The following EYA1 variants were observed in gnomAD, a reference collection of about 807,000 sequenced individuals.
EYA1 encodes the protein protein phosphatase EYA1.
Under a neutral mutation model 82.0 loss-of-function variants are expected in EYA1, and 16 were observed. That is an observed-to-expected ratio of 0.20 (90% CI 0.13 to 0.30). EYA1 has a LOEUF of 0.30. Ranked by LOEUF, EYA1 falls within the 10% of genes least tolerant of loss-of-function variation. The probability of loss-of-function intolerance (pLI) is 1.00; values close to 1 mark genes in which losing one functional copy is unlikely to be tolerated. For synonymous variants in EYA1, 261 were observed against 264.4 expected (o/e 0.99, Z 0.12); for missense variants, 633 against 730.7 (o/e 0.87, Z 1.54).
chr8:71,269,794 T>A lies in EYA1; in HGVS notation c.996A>T (p.Thr332=). ...ERVFIWDLDE[T]IIVFHSLLTG... ...TAAGCAAGGAGTGGAAAACAATGAT[T>A]GTCTCATCCAAGTCCCAGATGAACA... The change falls in exon 11 of 18, where the codon ACA becomes ACT. Residue 332 remains threonine, a synonymous_variant. Coordinates refer to ENST00000340726, the MANE Select transcript of EYA1 (RefSeq NM_000503.6). The A allele has an allele frequency of 1.2e-6, 2 of 1,613,804 alleles. No homozygotes were observed.
At chr8:71,212,043 C>T (rs917555261) in intron 16 of EYA1, among the ~76,000 whole-genome samples, 33 of 152,142 alleles carry the variant, frequency 2.2e-4, no homozygotes, top group Admixed American at 2.2e-3. Flanking sequence ...CACATTCCCA[C>T]AGTTAATGCA....
At chr8:71,528,445 C>A (rs896708981) in intron 2 of EYA1, among the ~76,000 whole-genome samples, 34 of 152,188 alleles carry the variant, frequency 2.2e-4, no homozygotes, top group Non-Finnish European at 2.1e-4. Context: ...GCTAATACAA[C>A]CTGGTGCCCA....
chr8:71,423,478 A>G (rs1831256424), intron 2 of EYA1, among the ~76,000 whole-genome samples: 1 of 152,172 alleles, frequency 6.6e-6, no homozygotes, highest in Admixed American at 6.5e-5. Flanking sequence ...AAAAATCCAT[A>G]GTCAAATTGT....
At chr8:71,546,033 A>G (rs1290217927) in intron 1 of EYA1, among the ~76,000 whole-genome samples, 2 of 152,152 alleles carry the variant, frequency 1.3e-5, no homozygotes, top group Non-Finnish European at 2.9e-5. Flanking sequence ...ATACCATCCC[A>G]GCACATCAGT....
At chr8:71,274,911 C>A (rs998991110) in intron 9 of EYA1, among the ~76,000 whole-genome samples, 1 of 101,764 alleles carries the variant, frequency 9.8e-6, no homozygotes, top group Non-Finnish European at 2.0e-5. Flanking sequence ...AGTGAGCGAG[C>A]GAGAGAGAGA....
At chr8:71,406,070 C>G (rs562894246) in intron 2 of EYA1, among the ~76,000 whole-genome samples, 6 of 152,104 alleles carry the variant, frequency 3.9e-5, no homozygotes, top group Admixed American at 6.5e-5. Context: ...TTCATATGTC[C>G]AAACTCAGCA....
At chr8:71,397,608 A>G (rs1829704884) in intron 2 of EYA1, among the ~76,000 whole-genome samples, 1 of 152,206 alleles carries the variant, frequency 6.6e-6, no homozygotes, top group Non-Finnish European at 1.5e-5. Context: ...AGAATGTTGA[A>G]TATTGGCCCC....
intron 2 of EYA1, among the ~76,000 whole-genome samples, chr8:71,491,430 T>A (rs997569417): frequency 2.6e-5 from 4 of 152,118 alleles, no homozygotes; most frequent in Non-Finnish European, 5.9e-5. Context: ...CTCCCCAGAA[T>A]TCATATGCTG....
chr8:71,362,142 G>C (rs1228883255), upstream of EYA1: 120 of 868,898 alleles, frequency 1.4e-4, no homozygotes, highest in Non-Finnish European at 1.5e-4. Context: ...TGCCCATGGA[G>C]CCTCGGGGCT....
intron 2 of EYA1, among the ~76,000 whole-genome samples, chr8:71,472,639 A>G (rs79732427): frequency 0.057 from 8,700 of 151,806 alleles, 828 homozygotes; most frequent in African/African-American, 0.2. Context: ...GAAGCACGGA[A>G]AGACTAAGTA....
chr8:71,231,622 A>G (rs891440864), intron 12 of EYA1, among the ~76,000 whole-genome samples: 3 of 152,180 alleles, frequency 2.0e-5, no homozygotes, highest in African/African-American at 7.2e-5. Flanking sequence ...TCTACCCAGT[A>G]TCTGGGCTCC....
intron 4 of EYA1, 68 bp downstream of exon 4, chr8:71,334,029 G>A (rs1210368435): frequency 9.6e-7 from 1 of 1,041,930 alleles, no homozygotes; most frequent in African/African-American, 1.6e-5. Context: ...ACATACACAG[G>A]GACATTACAT....
chr8:71,395,826 C>T lies in EYA1; in HGVS notation c.34-39315G>A, dbSNP rs563198003. ...TTCATAAAAAGAATTAGGGAGTATT[C>T]CCTCTTTTTCTATTGATTGGAACAG... is the stretch of plus-strand genomic sequence containing the variant. On this transcript the variant is annotated intron_variant, in intron 2 of 18. Transcript: ENST00000643681. Among the ~76,000 whole-genome samples, 3 of 152,162 alleles carry T rather than the reference C, an allele frequency of 2.0e-5. 1 individual carries two copies. In the South Asian group the frequency reaches 6.2e-4, roughly 32 times the overall value.
At chr8:71,284,267 C>A (rs1435171158) in intron 9 of EYA1, among the ~76,000 whole-genome samples, 2 of 152,182 alleles carry the variant, frequency 1.3e-5, no homozygotes, top group South Asian at 2.1e-4. Flanking sequence ...AGTAAGGGGA[C>A]CTTCTTTCCT....
At chr8:71,488,417 A>G (rs1020484938) in intron 2 of EYA1, among the ~76,000 whole-genome samples, 1 of 152,204 alleles carries the variant, frequency 6.6e-6, no homozygotes, top group Non-Finnish European at 1.5e-5. Context: ...AAAAAGAATG[A>G]ACAACTGCTA....
At chr8:71,364,184 A>G (rs1284125046), upstream of EYA1, among the ~76,000 whole-genome samples, 2 of 151,946 alleles carry the variant, frequency 1.3e-5, no homozygotes, top group African/African-American at 2.4e-5. Context: ...ATGCTTCATA[A>G]TTATGTAACA....
chr8:71,510,557 C>T (rs998338228), intron 2 of EYA1, among the ~76,000 whole-genome samples: 3 of 152,076 alleles, frequency 2.0e-5, no homozygotes, highest in Non-Finnish European at 2.9e-5. Flanking sequence ...GAATGAGTGC[C>T]GAGCGAAGGA....
chr8:71,314,362 A>G (rs1267862416), intron 7 of EYA1, among the ~76,000 whole-genome samples: 1 of 152,136 alleles, frequency 6.6e-6, no homozygotes, highest in African/African-American at 2.4e-5. Flanking sequence ...GGCCATATAC[A>G]TTCTGTAGCA....
intron 2 of EYA1, among the ~76,000 whole-genome samples, chr8:71,405,477 C>T (rs1402201132): frequency 6.6e-6 from 1 of 152,180 alleles, no homozygotes; most frequent in Non-Finnish European, 1.5e-5. Flanking sequence ...CACTTCATTT[C>T]TTTGTTGCTT....
Sources: allele counts gnomAD v4.1 joint callset (sites outside exome capture counted in the v4.1 genomes callset), GRCh38; gene constraint gnomAD v4.1.1; transcripts MANE v1.5; gene names NCBI Gene and HGNC (gene_info 2026-07-23, HGNC 2026-07-21).